EXOC4: variants seen among roughly 807,000 people sequenced by gnomAD.
The protein encoded by EXOC4 is SEC8-like 1.
In EXOC4, 71 loss-of-function variants were observed where a neutral mutation model predicts 107.2. The ratio of observed to expected loss-of-function variants is 0.66; its 90% CI spans 0.55 to 0.81. EXOC4 has a LOEUF of 0.81. Among genes scored for constraint, EXOC4 ranks in the 30% least tolerant of loss-of-function variants. EXOC4 has a pLI of 0.00. For missense variants in EXOC4, 1,108 were observed against 1,189.6 expected, an observed-to-expected ratio of 0.93 and a Z score of 1.01; for synonymous variants, 456 against 441.2, an observed-to-expected ratio of 1.03 and a Z score of -0.42.
intron 9 of EXOC4, among the ~76,000 whole-genome samples, chr7:133,613,795 T>G (rs562814424): frequency 1.3e-5 from 2 of 152,264 alleles, no homozygotes; most frequent in African/African-American, 4.8e-5. Context: ...AATACCTTTT[T>G]ATCTGGTATT....
At chr7:133,768,203 A>G (rs1235665059) in intron 10 of EXOC4, 2 of 152,036 alleles carry the variant, frequency 1.3e-5, no homozygotes, top group African/African-American at 4.8e-5. Flanking sequence ...TAAATGGGAA[A>G]GACGGAACTA....
At position 133,931,190 on chromosome 7, in the gene EXOC4, C is replaced by G. The variant is rs138964174; in HGVS notation, c.2028-6701C>G. ...TCTTAGATAAACTCAGGATTCAACA[C>G]TGATATCAAAGGCATAAGGTTAATG... On this transcript the variant is annotated intron_variant, in intron 13 of 17. Coordinates refer to ENST00000253861, the MANE Select transcript of EXOC4 (RefSeq NM_021807.4). Among the ~76,000 whole-genome samples, 109 of 152,270 alleles carry G rather than the reference C, an allele frequency of 7.2e-4. 1 individual carries two copies. In the East Asian group the frequency reaches 0.014, roughly 19 times the overall value.
At chr7:133,628,199 ATAGT>A (rs557436879) in intron 9 of EXOC4, among the ~76,000 whole-genome samples, 21 of 152,310 alleles carry the variant, frequency 1.4e-4, no homozygotes, top group East Asian at 9.6e-4. Flanking sequence ...ATTAAGGTAG[ATAGT>A]TAGTGAAATG....
intron 5 of EXOC4, among the ~76,000 whole-genome samples, chr7:133,318,523 T>C (rs967363023): frequency 4.6e-5 from 7 of 152,222 alleles, no homozygotes. Flanking sequence ...GAAATTGTAA[T>C]GTTTATTATC....
intron 11 of EXOC4, among the ~76,000 whole-genome samples, chr7:133,855,089 A>AAATATATC (rs1563028405): frequency 5.6e-3 from 125 of 22,288 alleles, no homozygotes; most frequent in East Asian, 0.014. Flanking sequence ...CTAAATATAT[A>AAATATATC]TAAATATATA....
At chr7:133,631,238 C>T (rs953279813) in intron 10 of EXOC4, among the ~76,000 whole-genome samples, 5 of 152,082 alleles carry the variant, frequency 3.3e-5, no homozygotes, top group African/African-American at 4.8e-5. Flanking sequence ...TATCACCTTA[C>T]CTTTCTCACA....
At chr7:133,437,708 CT>C (rs1202133145) in intron 7 of EXOC4, among the ~76,000 whole-genome samples, 1 of 152,160 alleles carries the variant, frequency 6.6e-6, no homozygotes, top group African/African-American at 2.4e-5. Context: ...TTCCCTTAAG[CT>C]CCTCTGCTTC....
intron 15 of EXOC4, among the ~76,000 whole-genome samples, chr7:134,004,378 G>A (rs114487283): frequency 5.9e-5 from 9 of 152,182 alleles, no homozygotes; most frequent in Admixed American, 1.3e-4. Flanking sequence ...CCCATATTTC[G>A]TGGATAAGGA....
rs144837613 is a variant in EXOC4, at chr7:133,772,816, A to G, written c.1515-44509A>G. 2.2e-3 allele frequency among the ~76,000 whole-genome samples: 331 copies of G among 152,194 alleles called. 2 individuals are homozygous for G. Among genetic ancestry groups the G allele is most frequent in the African/African-American group, 7.3e-3 (302 of 41,548 alleles). On this transcript the variant is annotated intron_variant, in intron 10 of 17. Coordinates refer to ENST00000253861, the MANE Select transcript of EXOC4 (RefSeq NM_021807.4). ...AGTTTCTGGGCAAGCCTGACTTGCA[A>G]TTCCATTCTCCTGAGTTCTACGCTG... is the stretch of plus-strand genomic sequence containing the variant.
intron 7 of EXOC4, among the ~76,000 whole-genome samples, chr7:133,453,559 T>G (rs1394748900): frequency 2.0e-5 from 3 of 152,208 alleles, no homozygotes; most frequent in African/African-American, 7.2e-5. Context: ...ACTACTTTTC[T>G]AGAAAGTATC....
chr7:133,621,261 C>G (rs1256959871), intron 9 of EXOC4, among the ~76,000 whole-genome samples: 1 of 152,014 alleles, frequency 6.6e-6, no homozygotes, highest in African/African-American at 2.4e-5. Flanking sequence ...GAGAAAGGTA[C>G]TTTTTTTCTC....
rs138445094 is a variant in EXOC4, at chr7:133,313,992, T to C, written c.657-3292T>C. Reference sequence around the variant, plus strand: ...GATTTAAAATAAAAATTTGTAATCATGTATTTAAAATGAAAAATAACTGTC... The same window carrying C: ...GATTTAAAATAAAAATTTGTAATCACGTATTTAAAATGAAAAATAACTGTC... On this transcript the variant is annotated intron_variant, in intron 4 of 17. Transcript: ENST00000253861. 6.4e-3 allele frequency among the ~76,000 whole-genome samples: 979 copies of C among 152,314 alleles called. 10 individuals carry two copies. Among genetic ancestry groups the C allele is most frequent in the African/African-American group, 0.022 (932 of 41,590 alleles).
rs758778712 is a variant in EXOC4 at position 133,317,309 on chromosome 7, C to G, written c.682C>G (p.Pro228Ala). The change falls in exon 5 of 18, where the codon CCT (proline) becomes GCT (alanine). Residue 228 changes from proline (P) to alanine (A), a missense_variant. Transcript: ENST00000253861. ...ISSLVKDASV[P>A]LIDVTNLPTP... is the part of the protein sequence containing the mutation. ...CTCCCTCGTGAAAGATGCTTCTGTT[C>G]CTCTGATTGATGTTACAAACCTCCC... 1.2e-6 allele frequency: 2 copies of G among 1,613,306 alleles called. No individual in the cohort carries two copies. Among genetic ancestry groups the G allele is most frequent in the Non-Finnish European group, 1.7e-6 (2 of 1,179,288 alleles).
intron 17 of EXOC4, among the ~76,000 whole-genome samples, chr7:134,052,090 G>A (rs1447328456): frequency 6.6e-6 from 1 of 152,170 alleles, no homozygotes; most frequent in East Asian, 1.9e-4. Flanking sequence ...GCGTGTCCAT[G>A]AAGACGTCAT....
At chr7:134,088,192 G>A in the EXOC4 span, among the ~76,000 whole-genome samples, 2 of 152,068 alleles carry the variant, frequency 1.3e-5, no homozygotes, top group African/African-American at 2.4e-5. Flanking sequence ...GGCTCTATAA[G>A]TCAAGTTTAA....
chr7:133,511,970 TCTTA>T (rs2150899628), intron 9 of EXOC4, among the ~76,000 whole-genome samples: 1 of 152,338 alleles, frequency 6.6e-6, no homozygotes, highest in African/African-American at 2.4e-5. Context: ...AGCGCAGCAT[TCTTA>T]CTTTTCTCCT....
chr7:133,995,362 C>T (rs1794364933), intron 14 of EXOC4, among the ~76,000 whole-genome samples: 1 of 152,180 alleles, frequency 6.6e-6, no homozygotes, highest in Non-Finnish European at 1.5e-5. Context: ...AGTCCAATTT[C>T]TGCCTCTTCT....
intron 14 of EXOC4, among the ~76,000 whole-genome samples, chr7:133,945,999 T>C (rs909192352): frequency 2.0e-5 from 3 of 152,244 alleles, no homozygotes; most frequent in African/African-American, 7.2e-5. Flanking sequence ...CATAATTTCA[T>C]CTGATTCTTT....
At chr7:133,792,087 C>T (rs1585148516) in intron 10 of EXOC4, among the ~76,000 whole-genome samples, 1 of 152,054 alleles carries the variant, frequency 6.6e-6, no homozygotes, top group East Asian at 1.9e-4. Context: ...TGCCCAGACC[C>T]AGCAGTTTTA....
Sources: allele counts gnomAD v4.1 joint callset (sites outside exome capture counted in the v4.1 genomes callset), GRCh38; gene constraint gnomAD v4.1.1; transcripts MANE v1.5; gene names NCBI Gene and HGNC (gene_info 2026-07-23, HGNC 2026-07-21).